Variants in TMEM131 observed in about 807,000 individuals in gnomAD.
TMEM131 encodes the protein transmembrane protein 131.
A neutral mutation model predicts 211.6 loss-of-function variants in TMEM131; 66 were observed. That is an observed-to-expected ratio of 0.31 (90% CI 0.26 to 0.38). The LOEUF is 0.38. Among genes scored for constraint, TMEM131 ranks in the 10% least tolerant of loss-of-function variants. TMEM131 has a pLI of 1.00. For synonymous variants in TMEM131, 844 were observed against 841.3 expected (o/e 1.00, Z -0.06); for missense variants, 2,036 against 2,299.3 (o/e 0.89, Z 2.34).
intron 4 of TMEM131, among the ~76,000 whole-genome samples, chr2:97,873,631 AACTCCAGCAG>A (rs560939107): frequency 6.6e-6 from 1 of 152,266 alleles, no homozygotes; most frequent in Non-Finnish European, 1.5e-5. Flanking sequence ...ACCTCCAGCA[AACTCCAGCAG>A]ACCAGCAGCA....
chr2:97,797,347 C>G lies in TMEM131; in HGVS notation c.2870+18G>C, dbSNP rs1680816993. 6.4e-7 allele frequency: 1 copy of G among 1,573,212 alleles called. No individual in the cohort carries two copies. The highest frequency in any genetic ancestry group is 8.6e-7 in the Non-Finnish European group (1 of 1,163,528). On this transcript the variant is annotated intron_variant, in intron 26 of 40. Transcript: ENST00000186436. Reference sequence around the variant, plus strand: ...GTAAGTAGTAAAAATGAACCCACACCTATATCACAGAACCTACCTGACTAT... The same window carrying G: ...GTAAGTAGTAAAAATGAACCCACACGTATATCACAGAACCTACCTGACTAT...
chr2:97,777,600 A>G (rs1401909591), intron 31 of TMEM131, among the ~76,000 whole-genome samples: 2 of 152,246 alleles, frequency 1.3e-5, no homozygotes, highest in Non-Finnish European at 2.9e-5. Context: ...TGAGCTAGAA[A>G]AAGAGTAAGT....
rs1164074585 is a variant in TMEM131 at position 97,762,336 on chromosome 2, G to GGCTGCT, written c.4724-137_4724-136insAGCAGC. The GGCTGCT allele has an allele frequency of 8.1e-6, 7 of 864,892 alleles. No individual in the cohort carries two copies. In the East Asian group the frequency reaches 1.9e-4, roughly 24 times the overall value. The allele number at this position is 864,892 out of a possible 1,614,324, so 53.6% of individuals were successfully genotyped here. A position where few individuals can be genotyped will look rare whatever the true frequency, so the allele number is the denominator to read the frequency against. ...AAAACAAACGAAAGCTCTTAGATGT[G>GGCTGCT]TTCTGTTTAACAGGTTTTAAAGAGA... On this transcript the variant is annotated intron_variant, in intron 35 of 40. Transcript: ENST00000186436.
chr2:97,797,372 T>G lies in TMEM131; in HGVS notation c.2863A>C (p.Ile955Leu). The G allele has an allele frequency of 1.9e-6, 3 of 1,604,814 alleles. No individual in the cohort carries two copies. Among genetic ancestry groups the G allele is most frequent in the Non-Finnish European group, 2.5e-6 (3 of 1,176,942 alleles). Reference sequence around the variant, plus strand: ...CTATATCACAGAACCTACCTGACTATGATAAGTGAAGAAACAGTTCTGTTG... The same window carrying G: ...CTATATCACAGAACCTACCTGACTAGGATAAGTGAAGAAACAGTTCTGTTG... ...VHNRTVSSLI[I>L]VRNNLTVMDA... The change falls in exon 26 of 41, where the codon ATA becomes CTA. Residue 955 changes from isoleucine (I) to leucine (L), a missense_variant. By Grantham distance (5) the Ile-to-Leu change is conservative. Transcript: ENST00000186436.
At chr2:97,961,805 T>A (rs1678829178) in intron 1 of TMEM131, among the ~76,000 whole-genome samples, 1 of 152,334 alleles carries the variant, frequency 6.6e-6, no homozygotes, top group African/African-American at 2.4e-5. Flanking sequence ...TCATAAATTG[T>A]GCTGCAACAG....
At chr2:97,981,027 C>G (rs1242981305) in intron 1 of TMEM131, among the ~76,000 whole-genome samples, 1 of 11,020 alleles carries the variant, frequency 9.1e-5, no homozygotes, top group Admixed American at 1.4e-3. Context: ...GAACTACACA[C>G]CAAAAAAAAA....
At chr2:97,772,014 G>A (rs1021502335) in intron 33 of TMEM131, among the ~76,000 whole-genome samples, 1 of 152,212 alleles carries the variant, frequency 6.6e-6, no homozygotes, top group African/African-American at 2.4e-5. Flanking sequence ...CTCAGCCTGG[G>A]ACTGAATCAC....
intron 31 of TMEM131, among the ~76,000 whole-genome samples, chr2:97,783,962 T>C (rs937875596): frequency 3.9e-5 from 6 of 151,918 alleles, no homozygotes; most frequent in African/African-American, 1.4e-4. Flanking sequence ...ATATTAATAC[T>C]AGATGAACTT....
intron 1 of TMEM131, among the ~76,000 whole-genome samples, chr2:97,932,509 C>T (rs1573576038): frequency 6.6e-6 from 1 of 152,068 alleles, no homozygotes; most frequent in African/African-American, 2.4e-5. Flanking sequence ...AAAATATAAT[C>T]CTATGTAATT....
intron 5 of TMEM131, among the ~76,000 whole-genome samples, chr2:97,851,726 C>T (rs897042526): frequency 1.3e-5 from 2 of 152,216 alleles, no homozygotes; most frequent in African/African-American, 4.8e-5. Flanking sequence ...ATTATGCCCA[C>T]ATAAGATGGC....
intron 32 of TMEM131, among the ~76,000 whole-genome samples, chr2:97,773,765 G>A (rs1679580665): frequency 6.6e-6 from 1 of 151,922 alleles, no homozygotes; most frequent in African/African-American, 2.4e-5. Context: ...ACCACACCCA[G>A]CTAATTCTTG....
intron 2 of TMEM131, among the ~76,000 whole-genome samples, chr2:97,923,240 C>A (rs369195891): frequency 6.6e-6 from 1 of 152,266 alleles, no homozygotes; most frequent in African/African-American, 2.4e-5. Context: ...AGATTGCTCA[C>A]TGCACTCCAG....
chr2:97,916,333 G>A (rs1676506793), intron 2 of TMEM131, among the ~76,000 whole-genome samples: 1 of 152,226 alleles, frequency 6.6e-6, no homozygotes. Flanking sequence ...TGGGGAGCAG[G>A]TATTTCTGAG....
Position 97,841,922 on chromosome 2 carries a change from C to A in TMEM131, c.616G>T (p.Val206Phe). 6.4e-7 allele frequency: 1 copy of A among 1,572,936 alleles called. No individual in the cohort carries two copies. Residue 206 changes from valine (V) to phenylalanine (F), a missense_variant, in exon 7 of 41, where the codon GTT (valine) becomes TTT (phenylalanine). Around this residue, in one of 3 missense-constraint regions of TMEM131, gnomAD observed 277 missense variants for 378.0 expected, o/e 0.73. Transcript: ENST00000186436. ...GGCCTCAATCGATATGGATTTGGAA[C>A]TCCAACACCAAATACCTGTTTCAGT... ...VFTYQVFGVGVPNPYRLRPFL... is the reference protein window; with the variant it reads ...VFTYQVFGVGFPNPYRLRPFL...
intron 11 of TMEM131, among the ~76,000 whole-genome samples, chr2:97,820,572 ATC>A (rs1682063055): frequency 2.0e-5 from 3 of 152,166 alleles, no homozygotes. Context: ...TGTAAAAAAA[ATC>A]CTGGCTGGGC....
At chr2:97,793,037 AT>A in intron 30 of TMEM131, 53 bp from the exon 31 acceptor site, 1 of 1,317,934 alleles carries the variant, frequency 7.6e-7, no homozygotes, top group South Asian at 1.5e-5. Context: ...AAAATCTAAT[AT>A]TAAAAAAAAA....
intron 1 of TMEM131, among the ~76,000 whole-genome samples, chr2:97,961,276 T>C (rs1431516980): frequency 6.6e-6 from 1 of 151,986 alleles, no homozygotes; most frequent in Non-Finnish European, 1.5e-5. Flanking sequence ...TTGGAAAAAA[T>C]ACAATCGGTT....
chr2:97,759,351 AC>A (rs1268207093), intron 39 of TMEM131: 18 of 525,590 alleles, frequency 3.4e-5, no homozygotes, highest in Non-Finnish European at 5.8e-5. Context: ...CAAGAAGAGG[AC>A]CCCTGGCACA....
chr2:97,957,643 T>TTAAA (rs1559474385), intron 1 of TMEM131, among the ~76,000 whole-genome samples: 3 of 151,932 alleles, frequency 2.0e-5, no homozygotes, highest in Admixed American at 2.0e-4. Context: ...AGACATTAGT[T>TTAAA]TAAAAAAAAA....
Sources: gnomAD v4.1 joint callset for allele counts (sites outside exome capture counted in the v4.1 genomes callset) on GRCh38, gnomAD v4.1.1 for gene constraint, gnomAD v4.1.1 regional missense constraint, MANE v1.5 for transcripts, NCBI Gene and HGNC (gene_info 2026-07-23, HGNC 2026-07-21) for gene names.